Variants in UPK3A observed in about 807,000 individuals in gnomAD.
UPK3A encodes uroplakin 3A, also known as uroplakin-3a.
In UPK3A, 32 loss-of-function variants were observed where a neutral mutation model predicts 27.6. The ratio of observed to expected loss-of-function variants is 1.16; its 90% CI spans 0.87 to 1.55. The LOEUF (loss-of-function observed/expected upper bound fraction) is 1.55, where lower values mean the gene tolerates loss of function less well. Among genes scored for constraint, UPK3A ranks in the 40% most tolerant of loss-of-function variants. The pLI, the probability that UPK3A is intolerant of heterozygous loss-of-function variation, is 0.00. For missense variants in UPK3A, 370 were observed against 367.9 expected, an observed-to-expected ratio of 1.01 and a Z score of -0.05; for synonymous variants, 171 against 163.9, an observed-to-expected ratio of 1.04 and a Z score of -0.33.
chr22:45,287,482 C>T (rs184434001), intron 3 of UPK3A, 31 bp downstream of exon 3: 201 of 1,563,656 alleles, frequency 1.3e-4, no homozygotes, highest in Non-Finnish European at 1.3e-4. Flanking sequence ...ACAGGAGAGC[C>T]GCGGCAGTTC....
intron 1 of UPK3A, 108 bp from the exon 2 acceptor site, chr22:45,285,832 GA>G: frequency 6.7e-7 from 1 of 1,491,054 alleles, no homozygotes; most frequent in Non-Finnish European, 9.2e-7. Context: ...GGCCCAGGGG[GA>G]GGGTGAAGCC....
Position 45,295,628 on chromosome 22 carries a change from C to G in UPK3A, c.773C>G (p.Ser258Trp). The part of the protein sequence containing the change: ...SQITQEAVPK[S>W]LGASESSYTS... ...ATCACTCAGGAGGCTGTTCCCAAGT[C>G]GCTGGGGGCCTCGGAGTCTTCCTAC... Residue 258 changes from serine (S) to tryptophan (W), a missense_variant, in exon 6 of 6, where the codon TCG becomes TGG. Physicochemically the swap from Ser to Trp is radical, Grantham distance 177 (BLOSUM62 -3). Coordinates refer to ENST00000216211, the MANE Select transcript of UPK3A (RefSeq NM_006953.4). The G allele has an allele frequency of 6.2e-7, 1 of 1,613,990 alleles. No homozygotes were observed. Among genetic ancestry groups the G allele is most frequent in the Non-Finnish European group, 8.5e-7 (1 of 1,180,016 alleles).
intron 3 of UPK3A, among the ~76,000 whole-genome samples, chr22:45,288,120 A>G (rs1382176068): frequency 6.6e-6 from 1 of 152,110 alleles, no homozygotes. Context: ...CCAGAGAGGG[A>G]AGGTCACCCA....
chr22:45,295,498 G>C, intron 5 of UPK3A, 62 bp from the exon 6 acceptor site: 1 of 1,587,318 alleles, frequency 6.3e-7, no homozygotes. Flanking sequence ...TCCCCAAGCA[G>C]CTAAAGGCAT....
In UPK3A at chr22:45,287,445, A is replaced by T. The variant is rs988140756; in HGVS notation, c.482A>T (p.Glu161Val). 3.8e-6 allele frequency: 6 copies of T among 1,593,924 alleles called. No individual in the cohort carries two copies. Among genetic ancestry groups the T allele is most frequent in the Non-Finnish European group, 4.3e-6 (5 of 1,170,382 alleles). ...LCNAPLSAATEYRFKYVLVNM... is the reference protein window; with the variant it reads ...LCNAPLSAATVYRFKYVLVNM... ...AACGCACCCCTGTCGGCAGCCACGGAGTACAGGTGGGTGTAAACAAACCAC... is the reference window on the plus strand; with the variant it reads ...AACGCACCCCTGTCGGCAGCCACGGTGTACAGGTGGGTGTAAACAAACCAC... Residue 161 changes from glutamate (E) to valine (V), a missense_variant, in exon 3 of 6, where the codon GAG becomes GTG. Glu to Val is a moderately radical substitution (Grantham distance 121, BLOSUM62 -2). Transcript: ENST00000216211.
chr22:45,288,576 G>T (rs1047327497), intron 3 of UPK3A, among the ~76,000 whole-genome samples: 7 of 152,152 alleles, frequency 4.6e-5, no homozygotes, highest in African/African-American at 1.7e-4. Flanking sequence ...CAGGTGATCT[G>T]CCCGCCTCAG....
chr22:45,286,646 A>C (rs953356981), intron 2 of UPK3A, among the ~76,000 whole-genome samples: 1 of 152,210 alleles, frequency 6.6e-6, no homozygotes, highest in Non-Finnish European at 1.5e-5. Flanking sequence ...CATTTACAAC[A>C]GCTCATTCGG....
At chr22:45,291,540 G>T (rs2084161177) in intron 4 of UPK3A, among the ~76,000 whole-genome samples, 1 of 151,276 alleles carries the variant, frequency 6.6e-6, no homozygotes, top group South Asian at 2.1e-4. Context: ...GTGTTGTGTG[G>T]TGTGTTAGAG....
chr22:45,295,658 C>T lies in UPK3A; in HGVS notation c.803C>T (p.Ser268Phe). The change falls in exon 6 of 6, where the codon TCC becomes TTC. Residue 268 changes from serine to phenylalanine, a missense_variant. Physicochemically the swap from Ser to Phe is radical, Grantham distance 155 (BLOSUM62 -2). Coordinates refer to ENST00000216211, the MANE Select transcript of UPK3A (RefSeq NM_006953.4). The part of the protein sequence containing the change: ...SLGASESSYT[S>F]VNRGPPLDRA... ...GGGGCCTCGGAGTCTTCCTACACGT[C>T]CGTGAACCGGGGGCCGCCACTGGAC... 6.2e-7 allele frequency: 1 copy of T among 1,613,996 alleles called. No homozygotes were observed. The highest frequency in any genetic ancestry group is 8.5e-7 in the Non-Finnish European group (1 of 1,180,016).
intron 4 of UPK3A, 130 bp downstream of exon 4, chr22:45,289,273 G>T: frequency 1.2e-6 from 1 of 859,030 alleles, no homozygotes; most frequent in Non-Finnish European, 1.8e-6. Context: ...TGAGTAAAAT[G>T]CTCCTTAAAG....
chr22:45,294,171 G>T (rs999967103), intron 5 of UPK3A, among the ~76,000 whole-genome samples: 17 of 152,256 alleles, frequency 1.1e-4, no homozygotes, highest in African/African-American at 4.1e-4. Context: ...AGGCAGGGAG[G>T]CAGGGAGGCC....
At chr22:45,288,295 A>G (rs1170274368) in intron 3 of UPK3A, among the ~76,000 whole-genome samples, 1 of 151,878 alleles carries the variant, frequency 6.6e-6, no homozygotes, top group Non-Finnish European at 1.5e-5. Context: ...TCCCGGGTTC[A>G]AGCGATTCTC....
At chr22:45,294,882 C>CTT (rs533550582) in intron 5 of UPK3A, among the ~76,000 whole-genome samples, 1,602 of 134,864 alleles carry the variant, frequency 0.012, 45 homozygotes, top group African/African-American at 0.04. Context: ...CCCTACGCTC[C>CTT]TTTTTTTTTT....
Position 45,287,200 on chromosome 22 carries a change from C to G in UPK3A, c.237C>G (p.Asp79Glu), listed in dbSNP as rs989026287. 6.2e-7 allele frequency: 1 copy of G among 1,614,100 alleles called. No homozygotes were observed. The highest frequency in any genetic ancestry group is 8.5e-7 in the Non-Finnish European group (1 of 1,180,062). The part of the protein sequence containing the change: ...SAISRNASVQ[D>E]STNTPLGSTF... ...TTTCCAGGAATGCCTCAGTGCAAGACAGCACCAACACCCCACTGGGCTCAA... is the reference window on the plus strand; with the variant it reads ...TTTCCAGGAATGCCTCAGTGCAAGAGAGCACCAACACCCCACTGGGCTCAA... The change falls in exon 3 of 6, where the codon GAC becomes GAG. Residue 79 changes from aspartate (D) to glutamate (E), a missense_variant. By Grantham distance (45) the Asp-to-Glu change is conservative (BLOSUM62 2). Coordinates refer to ENST00000216211, the MANE Select transcript of UPK3A (RefSeq NM_006953.4).
intron 2 of UPK3A, 150 bp from the exon 3 acceptor site, chr22:45,287,021 AG>A: frequency 1.8e-6 from 2 of 1,125,986 alleles, no homozygotes; most frequent in Non-Finnish European, 2.6e-6. Flanking sequence ...TTGCACTGAG[AG>A]GGCAGAGACT....
Position 45,293,273 on chromosome 22 carries a change from C to A in UPK3A, c.664C>A (p.Leu222Ile). The A allele has an allele frequency of 6.2e-7, 1 of 1,614,116 alleles. No homozygotes were observed. Among genetic ancestry groups the A allele is most frequent in the Non-Finnish European group, 8.5e-7 (1 of 1,180,026 alleles). The change falls in exon 5 of 6, where the codon CTA (leucine) becomes ATA (isoleucine). Residue 222 changes from leucine (L) to isoleucine (I), a missense_variant. Leu to Ile is a conservative substitution (Grantham distance 5). Transcript: ENST00000216211. ...CATCCTGGGCTCCCTGCCCTTCTTT[C>A]TACTTGTGGGTTTTGCTGGCGCCAT... is the stretch of plus-strand genomic sequence containing the variant. ...TSILGSLPFF[L>I]LVGFAGAIAL...
At chr22:45,286,529 C>T (rs1218319310) in intron 2 of UPK3A, among the ~76,000 whole-genome samples, 1 of 152,140 alleles carries the variant, frequency 6.6e-6, no homozygotes, top group African/African-American at 2.4e-5. Context: ...GAGACAAAAC[C>T]ATGCATTTGG....
At chr22:45,288,936 C>T (rs1262285909) in intron 3 of UPK3A, 125 bp from the exon 4 acceptor site, 15 of 874,236 alleles carry the variant, frequency 1.7e-5, no homozygotes, top group East Asian at 2.6e-5. Flanking sequence ...GTCTACATTT[C>T]CGTCTCCTGG....
intron 4 of UPK3A, among the ~76,000 whole-genome samples, chr22:45,290,179 G>A (rs1299561912): frequency 6.6e-6 from 1 of 152,212 alleles, no homozygotes; most frequent in Non-Finnish European, 1.5e-5. Context: ...TTCATATACA[G>A]AGTCGAGTCT....
Sources: allele counts gnomAD v4.1 joint callset (sites outside exome capture counted in the v4.1 genomes callset), GRCh38; gene constraint gnomAD v4.1.1; transcripts MANE v1.5; gene names NCBI Gene and HGNC (gene_info 2026-07-23, HGNC 2026-07-21).